NTRK2: variants seen among roughly 807,000 people sequenced by gnomAD.
NTRK2 encodes BDNF/NT-3 growth factors receptor.
NTRK2 carries 13 observed loss-of-function variants against 94.5 expected under a neutral mutation model. The ratio of observed to expected loss-of-function variants is 0.14; its 90% CI spans 0.09 to 0.22. The LOEUF is 0.22. Among genes scored for constraint, NTRK2 ranks in the 10% least tolerant of loss-of-function variants. The pLI is 1.00. For missense variants in NTRK2, 639 were observed against 1,071.2 expected (o/e 0.60, Z 5.63); for synonymous variants, 372 against 407.4 (o/e 0.91, Z 1.05).
chr9:84,710,526 T>C, intron 5 of NTRK2, 111 bp from the exon 6 acceptor site: 1 of 1,158,566 alleles, frequency 8.6e-7, no homozygotes, highest in Non-Finnish European at 1.3e-6. Flanking sequence ...TGGTATGACT[T>C]CCAAGCATTG....
chr9:84,913,607 C>T (rs953810897), intron 14 of NTRK2, among the ~76,000 whole-genome samples: 4 of 152,124 alleles, frequency 2.6e-5, no homozygotes, highest in African/African-American at 9.7e-5. Context: ...AGGTGTGGTA[C>T]TTTCCTCTGG....
intron 12 of NTRK2, among the ~76,000 whole-genome samples, chr9:84,831,726 T>C (rs962540058): frequency 6.6e-6 from 1 of 152,230 alleles, no homozygotes; most frequent in African/African-American, 2.4e-5. Flanking sequence ...GTCTGCATTC[T>C]TGTAAGAGAA....
At chr9:84,686,415 A>G (rs1259926022) in intron 2 of NTRK2, among the ~76,000 whole-genome samples, 2 of 152,234 alleles carry the variant, frequency 1.3e-5, no homozygotes. Flanking sequence ...TCTCCAACAA[A>G]CAAATAGGTC....
At chr9:84,700,540 G>A (rs2060658894) in intron 2 of NTRK2, among the ~76,000 whole-genome samples, 1 of 152,112 alleles carries the variant, frequency 6.6e-6, no homozygotes, top group Non-Finnish European at 1.5e-5. Context: ...AGGGGACAAT[G>A]TTTGTGTGGA....
intron 12 of NTRK2, among the ~76,000 whole-genome samples, chr9:84,831,237 C>G (rs1299642335): frequency 6.6e-6 from 1 of 152,032 alleles, no homozygotes; most frequent in East Asian, 1.9e-4. Flanking sequence ...ATATTAAGAC[C>G]CTTATAATAT....
intron 17 of NTRK2, among the ~76,000 whole-genome samples, chr9:85,012,598 G>A (rs921763916): frequency 1.3e-5 from 2 of 152,152 alleles, no homozygotes; most frequent in Non-Finnish European, 1.5e-5. Context: ...ATATTTTGAA[G>A]TTGGCACAAT....
rs545485807 is a variant in NTRK2 at position 84,780,726 on chromosome 9, C to A, written c.1396+28641C>A. Among the ~76,000 whole-genome samples the A allele has an allele frequency of 8.5e-5, 13 of 152,270 alleles. No individual in the cohort carries two copies. The South Asian group carries it at 2.5e-3, about 29-fold the overall frequency. Reference sequence around the variant, plus strand: ...CCTTCAAAGCTACCATCAGGGGTAGCGAATGGTGCTAGACCTCACTGGTCC... The same window carrying A: ...CCTTCAAAGCTACCATCAGGGGTAGAGAATGGTGCTAGACCTCACTGGTCC... On this transcript the variant is annotated intron_variant, in intron 12 of 18. Coordinates refer to ENST00000277120, the MANE Select transcript of NTRK2 (RefSeq NM_006180.6).
At chr9:84,922,410 G>C (rs186845887) in intron 14 of NTRK2, among the ~76,000 whole-genome samples, 23 of 152,294 alleles carry the variant, frequency 1.5e-4, no homozygotes, top group Admixed American at 5.9e-4. Context: ...TATTTTTTAC[G>C]TGTGTTATGG....
intron 2 of NTRK2, among the ~76,000 whole-genome samples, chr9:84,695,090 TTCTA>T (rs1206214367): frequency 2.7e-5 from 4 of 147,576 alleles, no homozygotes; most frequent in Non-Finnish European, 6.0e-5. Context: ...AACAAAAAAC[TTCTA>T]TCTATCTATG....
intron 12 of NTRK2, among the ~76,000 whole-genome samples, chr9:84,772,116 G>T (rs1309931603): frequency 6.6e-6 from 1 of 152,134 alleles, no homozygotes; most frequent in Non-Finnish European, 1.5e-5. Context: ...CCTGAGAATG[G>T]TCTAAAGGTT....
At chr9:84,834,485 G>C (rs2073754129) in intron 12 of NTRK2, among the ~76,000 whole-genome samples, 1 of 152,134 alleles carries the variant, frequency 6.6e-6, no homozygotes, top group Non-Finnish European at 1.5e-5. Flanking sequence ...AACAAGGAGG[G>C]AGTTGACCAC....
rs2075644643 is a variant in NTRK2, at chr9:84,867,442, C to T, written c.1633+11C>T. ...TCAAGCCAGACACATGTAAGTACAG[C>T]TGTTTGTACTTATTGTCCCATTTGC... On this transcript the variant is annotated intron_variant, in intron 14 of 18. Coordinates refer to ENST00000277120, the MANE Select transcript of NTRK2 (RefSeq NM_006180.6). 6.2e-7 allele frequency: 1 copy of T among 1,602,566 alleles called. No homozygotes were observed. The highest frequency in any genetic ancestry group is 2.2e-5 in the East Asian group (1 of 44,832).
intron 14 of NTRK2, among the ~76,000 whole-genome samples, chr9:84,881,562 G>T (rs1336946040): frequency 1.3e-5 from 2 of 152,188 alleles, no homozygotes; most frequent in Non-Finnish European, 2.9e-5. Context: ...TAATAAATAG[G>T]TAGTAAACTG....
chr9:84,870,065 A>G (rs2075770653), intron 14 of NTRK2, among the ~76,000 whole-genome samples: 1 of 144,716 alleles, frequency 6.9e-6, no homozygotes, highest in African/African-American at 2.6e-5. Flanking sequence ...AAATGTTGAG[A>G]ACTTAGATTT....
At chr9:84,747,945 T>C (rs2064240454) in intron 11 of NTRK2, among the ~76,000 whole-genome samples, 1 of 152,184 alleles carries the variant, frequency 6.6e-6, no homozygotes, top group Admixed American at 6.5e-5. Context: ...TTTGTAGAAT[T>C]TGTGTGGTTC....
intron 12 of NTRK2, among the ~76,000 whole-genome samples, chr9:84,802,372 CA>C (rs1313788238): frequency 6.6e-6 from 1 of 152,050 alleles, no homozygotes; most frequent in East Asian, 1.9e-4. Context: ...CCACTTGAAC[CA>C]AAGAATTATG....
chr9:84,793,242 AC>A (rs2068915866), intron 12 of NTRK2, among the ~76,000 whole-genome samples: 1 of 152,156 alleles, frequency 6.6e-6, no homozygotes, highest in South Asian at 2.1e-4. Flanking sequence ...GGAAGAAAAT[AC>A]CATATTGAGA....
At chr9:84,884,589 C>T (rs895491430) in intron 14 of NTRK2, among the ~76,000 whole-genome samples, 5 of 152,176 alleles carry the variant, frequency 3.3e-5, no homozygotes, top group South Asian at 2.1e-4. Context: ...TTTGTCTAGA[C>T]GAAGGCTGTG....
intron 12 of NTRK2, chr9:84,810,916 C>G: frequency 8.4e-7 from 1 of 1,189,052 alleles, no homozygotes; most frequent in Non-Finnish European, 1.0e-6. Flanking sequence ...GAAAAGTGTG[C>G]TTTTTGACCC....
Sources: allele counts gnomAD v4.1 joint callset (sites outside exome capture counted in the v4.1 genomes callset), GRCh38; gene constraint gnomAD v4.1.1; transcripts MANE v1.5; gene names NCBI Gene and HGNC (gene_info 2026-07-23, HGNC 2026-07-21).